The following PCLO variants were observed in gnomAD, a reference collection of about 807,000 sequenced individuals.
PCLO encodes the protein piccolo presynaptic cytomatrix protein, also known as protein piccolo.
PCLO carries 82 observed loss-of-function variants against 427.5 expected under a neutral mutation model. The ratio of observed to expected loss-of-function variants is 0.19; its 90% CI spans 0.16 to 0.23. The LOEUF (loss-of-function observed/expected upper bound fraction) is 0.23. PCLO is among the 10% of genes least tolerant of loss of function. The probability of loss-of-function intolerance (pLI) is 1.00; values close to 1 mark genes in which losing one functional copy is unlikely to be tolerated. For synonymous variants in PCLO, 2,357 were observed against 2,155.4 expected (o/e 1.09, Z -2.59); for missense variants, 6,239 against 6,115.9 (o/e 1.02, Z -0.67).
At position 82,760,738 on chromosome 7, in the gene PCLO, C is replaced by A; in HGVS notation, c.15189G>T (p.Lys5063Asn). Residue 5063 changes from lysine to asparagine, a missense_variant, in exon 24 of 25, where the codon AAG becomes AAT. Physicochemically the swap from Lys to Asn is moderately conservative, Grantham distance 94. This residue lies in a region of PCLO where 877 missense variants were observed against 925.5 expected (regional missense o/e 0.95). Coordinates refer to ENST00000333891, the MANE Select transcript of PCLO (RefSeq NM_033026.6). ...ATACTCTTGTTTTTTTCTTGATCAC[C>A]TTTTTTTGGGTAGAAATATTCATCA... ...IYVMNISTQKKVIKKKTRVCR... is the reference protein window; with the variant it reads ...IYVMNISTQKNVIKKKTRVCR... The A allele has an allele frequency of 1.3e-6, 2 of 1,545,782 alleles. No homozygotes were observed. Among genetic ancestry groups the A allele is most frequent in the Non-Finnish European group, 1.8e-6 (2 of 1,123,206 alleles).
chr7:82,964,718 T>C (rs1219291199), intron 4 of PCLO, among the ~76,000 whole-genome samples: 1 of 152,160 alleles, frequency 6.6e-6, no homozygotes, highest in African/African-American at 2.4e-5. Context: ...TTGGTGGTGG[T>C]GGCGGTGGCT....
chr7:83,106,207 T>C (rs1790851189), intron 3 of PCLO, among the ~76,000 whole-genome samples: 3 of 152,112 alleles, frequency 2.0e-5, no homozygotes, highest in Admixed American at 1.3e-4. Flanking sequence ...CTAAGTCCCA[T>C]GGGGGAGTCT....
intron 3 of PCLO, among the ~76,000 whole-genome samples, chr7:83,043,020 G>C (rs1395960835): frequency 6.6e-6 from 1 of 152,160 alleles, no homozygotes; most frequent in African/African-American, 2.4e-5. Context: ...CTGAGATTTG[G>C]GGTTGAAAGA....
At chr7:82,768,399 G>A (rs1790577369) in intron 22 of PCLO, among the ~76,000 whole-genome samples, 1 of 150,766 alleles carries the variant, frequency 6.6e-6, no homozygotes, top group South Asian at 2.1e-4. Context: ...TTCCAGCTTG[G>A]GTGACAGAGT....
chr7:83,069,273 C>T (rs545209978), intron 3 of PCLO, among the ~76,000 whole-genome samples: 4 of 152,028 alleles, frequency 2.6e-5, no homozygotes, highest in Admixed American at 2.0e-4. Flanking sequence ...GCAGAACTGG[C>T]GTATAATATG....
chr7:82,764,972 C>T (rs746426406), intron 22 of PCLO, among the ~76,000 whole-genome samples: 1 of 151,742 alleles, frequency 6.6e-6, no homozygotes, highest in Non-Finnish European at 1.5e-5. Context: ...AATGAATATA[C>T]CTTTTTCTTA....
intron 9 of PCLO, among the ~76,000 whole-genome samples, chr7:82,886,740 T>G (rs1011866003): frequency 8.5e-5 from 13 of 152,196 alleles, no homozygotes; most frequent in African/African-American, 3.1e-4. Flanking sequence ...TTTTCATTAC[T>G]CTATTAAAAA....
chr7:82,885,973 A>G, intron 9 of PCLO, among the ~76,000 whole-genome samples: 1 of 152,152 alleles, frequency 6.6e-6, no homozygotes, highest in East Asian at 1.9e-4. Context: ...TAGAATCAGA[A>G]GGTATGGGTT....
intron 3 of PCLO, among the ~76,000 whole-genome samples, chr7:83,013,128 A>G (rs1788126520): frequency 6.6e-6 from 1 of 152,154 alleles, no homozygotes; most frequent in South Asian, 2.1e-4. Flanking sequence ...TATATAAATA[A>G]AAGTGAATAT....
chr7:82,852,510 T>G (rs1223660737), intron 10 of PCLO, among the ~76,000 whole-genome samples: 1 of 152,058 alleles, frequency 6.6e-6, no homozygotes, highest in Non-Finnish European at 1.5e-5. Flanking sequence ...AGACTCCAAG[T>G]TCTTTAGCTT....
chr7:82,817,354 C>T (rs1475082247), intron 20 of PCLO, among the ~76,000 whole-genome samples: 1 of 152,126 alleles, frequency 6.6e-6, no homozygotes, highest in African/African-American at 2.4e-5. Context: ...AAATTGATTT[C>T]TCTTATGCTT....
At position 82,956,621 on chromosome 7, in the gene PCLO, T is replaced by C. The variant is rs542591354; in HGVS notation, c.4332A>G (p.Glu1444=). The C allele has an allele frequency of 5.6e-6, 9 of 1,613,910 alleles. No homozygotes were observed. The South Asian group carries it at 9.9e-5, about 18-fold the overall frequency. ...KKTQPHEVSP[E]QPKDQEKTQS... The stretch of plus-strand genomic sequence containing the variant: ...GAGTTTTCTCTTGGTCTTTAGGCTG[T>C]TCAGGAGAAACTTCATGGGGTTGTG... The change falls in exon 5 of 25, where the codon GAA becomes GAG. Residue 1444 remains glutamate, a synonymous_variant. Transcript: ENST00000333891.
intron 24 of PCLO, among the ~76,000 whole-genome samples, chr7:82,759,829 G>A (rs1790393933): frequency 6.6e-6 from 1 of 151,828 alleles, no homozygotes; most frequent in Admixed American, 6.6e-5. Flanking sequence ...GCAGGCTGTA[G>A]GCAATGAAAA....
chr7:82,786,748 A>G (rs1362731899), intron 22 of PCLO, among the ~76,000 whole-genome samples: 1 of 149,506 alleles, frequency 6.7e-6, no homozygotes, highest in Non-Finnish European at 1.5e-5. Flanking sequence ...CTAGCTCCCC[A>G]CCCCCCAACA....
intron 3 of PCLO, among the ~76,000 whole-genome samples, chr7:83,097,924 T>C (rs866321595): frequency 3.9e-5 from 6 of 152,238 alleles, no homozygotes; most frequent in African/African-American, 1.4e-4. Flanking sequence ...TTCCAAAGTG[T>C]TTTATGATTA....
chr7:82,891,887 A>C (rs1196395827), intron 9 of PCLO, among the ~76,000 whole-genome samples: 1 of 152,082 alleles, frequency 6.6e-6, no homozygotes, highest in African/African-American at 2.4e-5. Context: ...CTTCAAGAAG[A>C]ACTACAAACT....
At chr7:82,846,759 C>T in intron 11 of PCLO, 125 bp from the exon 12 acceptor site, 2 of 613,138 alleles carry the variant, frequency 3.3e-6, no homozygotes, top group Non-Finnish European at 5.7e-6. Context: ...TAAAGCAACT[C>T]CAAAGCATGC....
intron 3 of PCLO, among the ~76,000 whole-genome samples, chr7:82,973,521 A>T (rs1371382693): frequency 6.6e-6 from 1 of 152,150 alleles, no homozygotes; most frequent in Non-Finnish European, 1.5e-5. Flanking sequence ...TATAAATACA[A>T]CCTAATACAA....
chr7:82,794,459 CTTTTTTTTTTT>C (rs778108792), intron 22 of PCLO, among the ~76,000 whole-genome samples: 18 of 56,370 alleles, frequency 3.2e-4, no homozygotes, highest in Admixed American at 8.1e-4. Flanking sequence ...AATTTTTTTT[CTTTTTTTTTTT>C]TTTTTTTTTT....
Sources: gnomAD v4.1 joint callset for allele counts (sites outside exome capture counted in the v4.1 genomes callset) on GRCh38, gnomAD v4.1.1 for gene constraint, gnomAD v4.1.1 regional missense constraint, MANE v1.5 for transcripts, NCBI Gene and HGNC (gene_info 2026-07-23, HGNC 2026-07-21) for gene names.